MED24: variants seen among roughly 807,000 people sequenced by gnomAD.
The protein encoded by MED24 is mediator complex subunit 24.
A neutral mutation model predicts 118.8 loss-of-function variants in MED24; 74 were observed. That is an observed-to-expected ratio of 0.62 (90% CI 0.52 to 0.76). The LOEUF is 0.76. Among genes scored for constraint, MED24 ranks in the 30% least tolerant of loss-of-function variants. MED24 has a pLI of 0.00. For synonymous variants in MED24, 521 were observed against 523.9 expected (o/e 0.99, Z 0.08); for missense variants, 1,041 against 1,278.9 (o/e 0.81, Z 2.84).
chr17:40,022,469 A>G lies in MED24; in HGVS notation c.2448T>C (p.Cys816=). 5 of 1,609,830 alleles carry G rather than the reference A, an allele frequency of 3.1e-6. No homozygotes were observed. Among genetic ancestry groups the G allele is most frequent in the Non-Finnish European group, 4.2e-6 (5 of 1,178,298 alleles). ...GTALAKLAVW[C]ALSSYSSHKG... ...TGTGGGAGGAGTAGGAACTGAGGGC[A>G]CACCACACGGCCAGCCTGGCAAAGG... Residue 816 remains cysteine, a synonymous_variant, in exon 22 of 26, where the codon TGT becomes TGC. Transcript: ENST00000394128.
At chr17:40,032,314 G>C (rs1983485941) in intron 9 of MED24, 5 of 588,998 alleles carry the variant, frequency 8.5e-6, no homozygotes, top group South Asian at 2.2e-5. Context: ...ACCTCCGCTA[G>C]CTCAACAGAA....
At chr17:40,043,584 T>C (rs1376126423) in intron 3 of MED24, among the ~76,000 whole-genome samples, 1 of 152,122 alleles carries the variant, frequency 6.6e-6, no homozygotes, top group Non-Finnish European at 1.5e-5. Context: ...CTTAAGGATT[T>C]TTCTGCTTCA....
chr17:40,037,613 A>G (rs1162969844), intron 3 of MED24, among the ~76,000 whole-genome samples: 1 of 152,156 alleles, frequency 6.6e-6, no homozygotes, highest in South Asian at 2.1e-4. Flanking sequence ...TAAATTAATT[A>G]AAGTTAAATA....
chr17:40,050,197 G>A lies in MED24; in HGVS notation c.213+3101C>T, dbSNP rs550679129. Reference sequence around the variant, plus strand: ...AGAGATACGCATTCAGGTCAGGCACGGTGGCTCATTGGAGGCCGAGGTGAG... The same window carrying A: ...AGAGATACGCATTCAGGTCAGGCACAGTGGCTCATTGGAGGCCGAGGTGAG... On this transcript the variant is annotated intron_variant, in intron 3 of 25. Coordinates refer to ENST00000394128, the MANE Select transcript of MED24 (RefSeq NM_014815.4). Among the ~76,000 whole-genome samples, 56 of 147,406 alleles carry A rather than the reference G, an allele frequency of 3.8e-4. 1 individual carries two copies. Among genetic ancestry groups the A allele is most frequent in the South Asian group, 1.3e-3 (6 of 4,536 alleles).
At chr17:40,029,667 T>C in intron 13 of MED24, 81 bp downstream of exon 13, 1 of 1,350,366 alleles carries the variant, frequency 7.4e-7, no homozygotes, top group Non-Finnish European at 1.1e-6. Flanking sequence ...GTCTGTGGCC[T>C]CTGTTTATTT....
chr17:40,033,242 G>A lies in MED24; in HGVS notation c.672-36C>T. 6.2e-7 allele frequency: 1 copy of A among 1,612,784 alleles called. No homozygotes were observed. The highest frequency in any genetic ancestry group is 8.5e-7 in the Non-Finnish European group (1 of 1,179,810). Reference sequence around the variant, plus strand: ...ACAAACACAGGGGACGGTGTTTGGGGGGCCAAAGGTGAAGGCGGAGAGGAT... The same window carrying A: ...ACAAACACAGGGGACGGTGTTTGGGAGGCCAAAGGTGAAGGCGGAGAGGAT... On this transcript the variant is annotated intron_variant, in intron 7 of 25. Transcript: ENST00000394128. This position sits in a 1 kb window ranked among gnomAD's most constrained non-coding sequence, Gnocchi z 5.2.
chr17:40,050,303 G>C (rs896862829), intron 3 of MED24, among the ~76,000 whole-genome samples: 2 of 151,870 alleles, frequency 1.3e-5, no homozygotes, highest in African/African-American at 4.8e-5. Flanking sequence ...ACAAAAATTA[G>C]CTGGGTGTGG....
rs773112098 is a variant in MED24 at position 40,019,812 on chromosome 17, G to A, written c.2826C>T (p.Ser942=). 18 of 1,607,048 alleles carry A rather than the reference G, an allele frequency of 1.1e-5. No individual in the cohort carries two copies. The highest frequency in any genetic ancestry group is 2.2e-5 in the East Asian group (1 of 44,676). The part of the protein sequence containing the change: ...VDCLEQGGRG[S]VLQFMPFTTV... ...TGGTGAAGGGCATGAACTGCAGGAC[G>A]CTGCCACGGCCACCCTGCTCCAGGC... is the stretch of plus-strand genomic sequence containing the variant. Residue 942 remains serine, a synonymous_variant, in exon 25 of 26, where the codon AGC becomes AGT. Transcript: ENST00000394128.
At chr17:40,023,661 T>TTCCAGCC in intron 19 of MED24, 1 of 418,182 alleles carries the variant, frequency 2.4e-6, no homozygotes, top group Non-Finnish European at 4.2e-6. Context: ...TCCAGCCAGA[T>TTCCAGCC]ATTCACATTT....
chr17:40,029,641 G>A lies in MED24; in HGVS notation c.1266+107C>T. On this transcript the variant is annotated intron_variant, in intron 13 of 25. Coordinates refer to ENST00000394128, the MANE Select transcript of MED24 (RefSeq NM_014815.4). ...ACCTCCAAAGCAACTATGTATAAAA[G>A]CTAAAGGAGACAGAGGTCTGTGGCC... 3 of 1,052,090 alleles carry A rather than the reference G, an allele frequency of 2.9e-6. No homozygotes were observed. In the South Asian group the frequency reaches 4.4e-5, roughly 15 times the overall value. 65.2% of individuals were successfully genotyped at this position (1,052,090 alleles called of 1,614,324 possible).
At chr17:40,035,585 G>A (rs1983839204) in intron 5 of MED24, 137 bp downstream of exon 5, 1 of 959,626 alleles carries the variant, frequency 1.0e-6, no homozygotes, top group Admixed American at 2.5e-5. Flanking sequence ...GAGGGCACAG[G>A]TAAGTGTAGA....
chr17:40,035,883 C>T (rs940190440), intron 4 of MED24, 88 bp from the exon 5 acceptor site: 3 of 1,300,524 alleles, frequency 2.3e-6, no homozygotes, highest in Middle Eastern at 2.0e-4. Flanking sequence ...AGGACTCCTG[C>T]TCCTCTCTCC....
chr17:40,022,569 C>T, intron 21 of MED24, 76 bp downstream of exon 21: 1 of 1,601,482 alleles, frequency 6.2e-7, no homozygotes, highest in Non-Finnish European at 8.5e-7. Flanking sequence ...AAAGCCCAGT[C>T]TCCCAGGGTG....
intron 3 of MED24, among the ~76,000 whole-genome samples, chr17:40,041,856 G>A (rs1322245875): frequency 2.0e-5 from 3 of 152,168 alleles, no homozygotes; most frequent in Admixed American, 6.5e-5. Flanking sequence ...ATTACAGCAA[G>A]AGCCTAAATC....
chr17:40,037,107 GGAGACGGATGTTGCAGT>G (rs1241849038), intron 3 of MED24, among the ~76,000 whole-genome samples: 1 of 152,078 alleles, frequency 6.6e-6, no homozygotes, highest in Non-Finnish European at 1.5e-5. Context: ...CTTGAGCCTG[GGAGACGGATGTTGCAGT>G]GAGACGAAAT....
At chr17:40,022,871 A>T in intron 20 of MED24, 45 bp from the exon 21 acceptor site, 2 of 1,597,136 alleles carry the variant, frequency 1.3e-6, no homozygotes, top group South Asian at 1.1e-5. Flanking sequence ...GGGGCCCGGG[A>T]TCTGGGGCTC....
At position 40,028,972 on chromosome 17, in the gene MED24, G is replaced by A. The variant is rs1423772865; in HGVS notation, c.1267-4C>T. 1.2e-6 allele frequency: 2 copies of A among 1,614,068 alleles called. No homozygotes were observed. Among genetic ancestry groups the A allele is most frequent in the Non-Finnish European group, 1.7e-6 (2 of 1,180,046 alleles). ...TAGAGTGGTCTGCATCCATCGTCTG[G>A]GGACAGGACAGGAAATCAAGTCCTG... On this transcript the variant is annotated splice_polypyrimidine_tract_variant and splice_region_variant and intron_variant, in intron 13 of 25. Transcript: ENST00000394128.
intron 3 of MED24, among the ~76,000 whole-genome samples, chr17:40,044,216 A>T (rs371645900): frequency 1.3e-5 from 2 of 151,582 alleles, no homozygotes; most frequent in African/African-American, 4.8e-5. Context: ...GAATACATAA[A>T]TTATGTATTC....
chr17:40,036,361 G>A (rs1325986750), intron 3 of MED24, among the ~76,000 whole-genome samples: 2 of 152,098 alleles, frequency 1.3e-5, no homozygotes, highest in South Asian at 4.2e-4. Context: ...ATCAGCATAA[G>A]CCCATCAAGA....
Sources: gnomAD v4.1 joint callset for allele counts (sites outside exome capture counted in the v4.1 genomes callset) on GRCh38, gnomAD v4.1.1 for gene constraint, Gnocchi (gnomAD v3.1) non-coding constraint, MANE v1.5 for transcripts, NCBI Gene and HGNC (gene_info 2026-07-23, HGNC 2026-07-21) for gene names.